DPYSL2: variants seen among roughly 807,000 people sequenced by gnomAD.
DPYSL2 encodes the protein dihydropyrimidinase-related protein 2.
A neutral mutation model predicts 69.9 loss-of-function variants in DPYSL2; 13 were observed. The ratio of observed to expected loss-of-function variants is 0.19; its 90% CI spans 0.12 to 0.30. The LOEUF (loss-of-function observed/expected upper bound fraction) is 0.30. DPYSL2 is among the 10% of genes least tolerant of loss of function. The pLI is 1.00. For synonymous variants in DPYSL2, 326 were observed against 359.1 expected, an observed-to-expected ratio of 0.91 and a Z score of 1.04; for missense variants, 587 against 918.9, an observed-to-expected ratio of 0.64 and a Z score of 4.67.
chr8:26,528,539 C>T (rs1054676899), intron 1 of DPYSL2, among the ~76,000 whole-genome samples: 2 of 151,608 alleles, frequency 1.3e-5, no homozygotes, highest in Non-Finnish European at 2.9e-5. Flanking sequence ...CCCAGCTACT[C>T]AGGAGGCTGA....
chr8:26,595,935 G>T (rs528995091), intron 3 of DPYSL2, among the ~76,000 whole-genome samples: 1 of 152,172 alleles, frequency 6.6e-6, no homozygotes, highest in Non-Finnish European at 1.5e-5. Context: ...CATATCTCAT[G>T]CCTTTTTGCT....
chr8:26,523,161 A>G (rs1246710984), intron 1 of DPYSL2, among the ~76,000 whole-genome samples: 1 of 150,976 alleles, frequency 6.6e-6, no homozygotes, highest in African/African-American at 2.4e-5. Context: ...ATGTATATAT[A>G]TATATATATT....
Position 26,644,107 on chromosome 8 carries a change from C to G in DPYSL2, c.1425+16C>G. ...CAAGGCTGTGGTAAGGAGCGATGGC[C>G]TCACTCCTTGGTGGCTCTCAGCCTT... On this transcript the variant is annotated intron_variant, in intron 10 of 13. Transcript: ENST00000521913. The surrounding 1 kb of genome is among the most constrained non-coding windows in gnomAD (Gnocchi z 4.5). 1 of 1,613,010 alleles carries G rather than the reference C, an allele frequency of 6.2e-7. No homozygotes were observed. The highest frequency in any genetic ancestry group is 8.5e-7 in the Non-Finnish European group (1 of 1,179,338).
In DPYSL2 at chr8:26,610,745, G is replaced by A. The variant is rs774836141; in HGVS notation, c.629-13398G>A. On this transcript the variant is annotated intron_variant, in intron 3 of 13. Coordinates refer to ENST00000521913, the MANE Select transcript of DPYSL2 (RefSeq NM_001197293.3). The surrounding 1 kb of genome is among the most constrained non-coding windows in gnomAD (Gnocchi z 4.5). ...AGAACACTTGGAGAAAACTAGTTCT[G>A]TACCAGGGATTATGTTCAGCAGGTT... 2.1e-4 allele frequency among the ~76,000 whole-genome samples: 32 copies of A among 152,138 alleles called. No homozygotes were observed. The highest frequency in any genetic ancestry group is 4.1e-4 in the Non-Finnish European group (28 of 68,024).
At position 26,627,699 on chromosome 8, in the gene DPYSL2, G is replaced by C. The variant is rs145791829; in HGVS notation, c.937-173G>C. ...TAATTGATCCATCCTGCTCAGGCGG[G>C]ACTGGGAACAGGGCAGTGAACCCTT... On this transcript the variant is annotated intron_variant, in intron 6 of 13. Coordinates refer to ENST00000521913, the MANE Select transcript of DPYSL2 (RefSeq NM_001197293.3). This position sits in a 1 kb window ranked among gnomAD's most constrained non-coding sequence, Gnocchi z 6.9. 5.9e-5 allele frequency among the ~76,000 whole-genome samples: 9 copies of C among 152,306 alleles called. No individual in the cohort carries two copies. The East Asian group carries it at 1.7e-3, about 29-fold the overall frequency.
At chr8:26,574,501 A>G (rs1801294924) in intron 1 of DPYSL2, among the ~76,000 whole-genome samples, 1 of 152,198 alleles carries the variant, frequency 6.6e-6, no homozygotes, top group Non-Finnish European at 1.5e-5. Flanking sequence ...TGTCTAATTT[A>G]GTTACTGCAT....
chr8:26,575,479 C>T (rs1448015783), intron 1 of DPYSL2, among the ~76,000 whole-genome samples: 2 of 152,124 alleles, frequency 1.3e-5, no homozygotes, highest in Non-Finnish European at 2.9e-5. Context: ...TTCTCTTCCT[C>T]GGTCAATTTA....
intron 3 of DPYSL2, among the ~76,000 whole-genome samples, chr8:26,607,014 CA>C (rs1468572874): frequency 6.6e-6 from 1 of 151,976 alleles, no homozygotes; most frequent in East Asian, 1.9e-4. Context: ...AATGTGTAAA[CA>C]AAAAAATTCA....
Position 26,626,713 on chromosome 8 carries a change from A to G in DPYSL2, c.855+35A>G, listed in dbSNP as rs1214858870. 1 of 1,607,450 alleles carries G rather than the reference A, an allele frequency of 6.2e-7. No homozygotes were observed. The highest frequency in any genetic ancestry group is 8.5e-7 in the Non-Finnish European group (1 of 1,174,244). On this transcript the variant is annotated intron_variant, in intron 5 of 13. Transcript: ENST00000521913. This position sits in a 1 kb window ranked among gnomAD's most constrained non-coding sequence, Gnocchi z 4.3. The stretch of plus-strand genomic sequence containing the variant: ...TCGGCTTTTCGGAAGAGGCACCCTG[A>G]CATTTGGTACCTTCAGGCTGTGGCC...
At chr8:26,547,828 A>T (rs987939216) in intron 1 of DPYSL2, 5 of 353,648 alleles carry the variant, frequency 1.4e-5, no homozygotes, top group Non-Finnish European at 5.9e-6. Flanking sequence ...ACAGAAAGTC[A>T]TATATCTGAA....
At chr8:26,555,798 G>A (rs1264908914) in intron 1 of DPYSL2, among the ~76,000 whole-genome samples, 3 of 150,072 alleles carry the variant, frequency 2.0e-5, no homozygotes, top group Non-Finnish European at 4.4e-5. Context: ...GAGTTGGAAA[G>A]ATTGCTTGAG....
In DPYSL2 at chr8:26,564,315, A is replaced by G. The variant is rs17404623; in HGVS notation, c.355-17654A>G. 0.1 allele frequency among the ~76,000 whole-genome samples: 15,545 copies of G among 152,158 alleles called. 879 individuals are homozygous for G. The highest frequency in any genetic ancestry group is 0.12 in the Non-Finnish European group (8,221 of 67,996). On this transcript the variant is annotated intron_variant, in intron 1 of 13. Transcript: ENST00000521913. This position sits in a 1 kb window ranked among gnomAD's most constrained non-coding sequence, Gnocchi z 4.8. The stretch of plus-strand genomic sequence containing the variant: ...CGCTACCCATTCCTGAAGCTTAACC[A>G]TGTAGGAACAGCAAGGCAGGGCAAT...
chr8:26,628,604 G>A (rs1802671058), intron 7 of DPYSL2, among the ~76,000 whole-genome samples: 1 of 152,238 alleles, frequency 6.6e-6, no homozygotes, highest in Admixed American at 6.5e-5. Context: ...TTAATGACAG[G>A]CTGGATGTCA....
Position 26,585,161 on chromosome 8 carries a change from A to G in DPYSL2, c.628+1178A>G, listed in dbSNP as rs1182304527. Among the ~76,000 whole-genome samples, 1 of 152,200 alleles carries G rather than the reference A, an allele frequency of 6.6e-6. No individual in the cohort carries two copies. The highest frequency in any genetic ancestry group is 2.4e-5 in the African/African-American group (1 of 41,434). On this transcript the variant is annotated intron_variant, in intron 3 of 13. Transcript: ENST00000521913. This position sits in a 1 kb window ranked among gnomAD's most constrained non-coding sequence, Gnocchi z 4.0. ...TCAACGTGGAGTCTGTCATATATGA[A>G]AAGATAGCAGTTCAGTTCAGAAGAG... is the stretch of plus-strand genomic sequence containing the variant.
chr8:26,635,580 T>C (rs757930781), intron 8 of DPYSL2, among the ~76,000 whole-genome samples: 21 of 152,212 alleles, frequency 1.4e-4, no homozygotes, highest in Non-Finnish European at 2.6e-4. Flanking sequence ...GCATCTTTTA[T>C]GCTTGGGAGT....
chr8:26,593,266 T>G lies in DPYSL2; in HGVS notation c.628+9283T>G, dbSNP rs1365310004. On this transcript the variant is annotated intron_variant, in intron 3 of 13. Transcript: ENST00000521913. The surrounding 1 kb of genome is among the most constrained non-coding windows in gnomAD (Gnocchi z 5.7). ...TAAAAACCTTGACTGCACATTAGAA[T>G]CCCCTGGGGAGTTGTAACAAAATGC... 4.6e-5 allele frequency among the ~76,000 whole-genome samples: 7 copies of G among 151,996 alleles called. No homozygotes were observed. Among genetic ancestry groups the G allele is most frequent in the African/African-American group, 1.7e-4 (7 of 41,352 alleles).
chr8:26,535,636 T>TATA (rs201620604), intron 1 of DPYSL2, among the ~76,000 whole-genome samples: 7 of 141,930 alleles, frequency 4.9e-5, no homozygotes, highest in African/African-American at 1.2e-4. Flanking sequence ...TATATATATA[T>TATA]TTTTTTTTTC....
intron 2 of DPYSL2, 48 bp from the exon 3 acceptor site, chr8:26,583,751 G>T (rs751121901): frequency 6.5e-7 from 1 of 1,539,704 alleles, no homozygotes; most frequent in Non-Finnish European, 8.8e-7. Flanking sequence ...GATCCCATTT[G>T]AGTCCACATT....
In DPYSL2 at chr8:26,517,668, A is replaced by G. The variant is rs930588046; in HGVS notation, c.354+2989A>G. Among the ~76,000 whole-genome samples the G allele has an allele frequency of 6.6e-6, 1 of 152,178 alleles. No homozygotes were observed. The highest frequency in any genetic ancestry group is 1.5e-5 in the Non-Finnish European group (1 of 68,030). On this transcript the variant is annotated intron_variant, in intron 1 of 13. Transcript: ENST00000521913. This position sits in a 1 kb window ranked among gnomAD's most constrained non-coding sequence, Gnocchi z 4.2. Reference sequence around the variant, plus strand: ...GCCAGAACCAGTGGCTCCACCAGCAATACTGGACCATAAGAATGCTTTTCA... The same window carrying G: ...GCCAGAACCAGTGGCTCCACCAGCAGTACTGGACCATAAGAATGCTTTTCA...
Sources: allele counts gnomAD v4.1 joint callset (sites outside exome capture counted in the v4.1 genomes callset), GRCh38; gene constraint gnomAD v4.1.1; non-coding constraint Gnocchi (gnomAD v3.1); transcripts MANE v1.5; gene names NCBI Gene and HGNC (gene_info 2026-07-23, HGNC 2026-07-21).